The following ZNF761 variants were observed in gnomAD, a reference collection of about 807,000 sequenced individuals.
The protein encoded by ZNF761 is zinc finger protein 761.
A neutral mutation model predicts 59.9 loss-of-function variants in ZNF761; 43 were observed. The observed-to-expected ratio is 0.72, with a 90% CI of 0.56 to 0.92. The LOEUF is 0.92. Ranked by LOEUF, ZNF761 falls within the 40% of genes least tolerant of loss-of-function variation. The probability of loss-of-function intolerance (pLI) is 0.00; values close to 1 mark genes in which losing one functional copy is unlikely to be tolerated. For missense variants in ZNF761, 850 were observed against 906.1 expected (o/e 0.94, Z 0.79); for synonymous variants, 294 against 304.8 (o/e 0.96, Z 0.37).
intron 2 of ZNF761, among the ~76,000 whole-genome samples, chr19:53,446,629 T>G (rs1167312357): frequency 6.6e-6 from 1 of 152,112 alleles, no homozygotes; most frequent in East Asian, 1.9e-4. Context: ...CTCCTCAGCC[T>G]TCCAGAGTGC....
intron 4 of ZNF761, chr19:53,449,973 C>A (rs2708748): frequency 0.019 from 9,336 of 486,156 alleles, 586 homozygotes; most frequent in African/African-American, 0.15. Context: ...CAGGTGCCAA[C>A]CACCATACCT....
chr19:53,454,877 G>C lies in ZNF761; in HGVS notation c.370G>C (p.Glu124Gln). Residue 124 changes from glutamate (E) to glutamine (Q), a missense_variant, in exon 5 of 5, where the codon GAA becomes CAA. By Grantham distance (29) the Glu-to-Gln change is conservative. Coordinates refer to ENST00000684525, the MANE Select transcript of ZNF761 (RefSeq NM_001289951.2). ...AATCAAAAAGTTGACAGGTATTACA[G>C]AACGATATGATCAAAGTCATGCTAG... Reference protein sequence around the residue: ...TKIKKLTGITERYDQSHARNK... With the variant: ...TKIKKLTGITQRYDQSHARNK... 1.9e-6 allele frequency: 3 copies of C among 1,614,180 alleles called. No individual in the cohort carries two copies. The highest frequency in any genetic ancestry group is 2.5e-6 in the Non-Finnish European group (3 of 1,180,020).
At chr19:53,451,737 C>A (rs1051606241) in intron 4 of ZNF761, among the ~76,000 whole-genome samples, 1 of 151,310 alleles carries the variant, frequency 6.6e-6, no homozygotes, top group South Asian at 2.1e-4. Context: ...CACATGCCAC[C>A]ACACCCGGCT....
chr19:53,441,502 A>G (rs188317766), intron 1 of ZNF761, among the ~76,000 whole-genome samples: 1 of 149,088 alleles, frequency 6.7e-6, no homozygotes, highest in Non-Finnish European at 1.5e-5. Context: ...GCTGGAGTGT[A>G]GTGGCATGAT....
rs2086104911 is a variant in ZNF761, at chr19:53,441,891, T to C, written c.-184-4336T>C. ...GCTGGGATCACCACCATCGAGGCAG[T>C]GAAGCGCAAGATCCAGGTTCTGCAG... On this transcript the variant is annotated intron_variant, in intron 1 of 4. Coordinates refer to ENST00000684525, the MANE Select transcript of ZNF761 (RefSeq NM_001289951.2). The C allele has an allele frequency of 2.5e-6, 4 of 1,575,586 alleles. No homozygotes were observed. In the South Asian group the frequency reaches 4.5e-5, roughly 18 times the overall value.
In ZNF761 at chr19:53,455,206, T is replaced by A. The variant is rs756417031; in HGVS notation, c.699T>A (p.His233Gln). 9.9e-6 allele frequency: 16 copies of A among 1,614,148 alleles called. No individual in the cohort carries two copies. In the South Asian group the frequency reaches 1.1e-4, roughly 11 times the overall value. Residue 233 changes from histidine (H) to glutamine (Q), a missense_variant, in exon 5 of 5, where the codon CAT becomes CAA. Coordinates refer to ENST00000684525, the MANE Select transcript of ZNF761 (RefSeq NM_001289951.2). Reference sequence around the variant, plus strand: ...ATTACAGCTCACTCTTAAGGAAACATCAGATAATCCATTTAGCAGACAAAT... The same window carrying A: ...ATTACAGCTCACTCTTAAGGAAACAACAGATAATCCATTTAGCAGACAAAT... Reference protein sequence around the residue: ...AFNYSSLLRKHQIIHLADKYK... With the variant: ...AFNYSSLLRKQQIIHLADKYK...
At chr19:53,450,026 C>T (rs75620463) in intron 4 of ZNF761, 30,415 of 442,370 alleles carry the variant, frequency 0.069, 1,351 homozygotes, top group East Asian at 0.15. Flanking sequence ...TATGTGTGGC[C>T]GGGCTTGGTG....
chr19:53,442,018 G>C (rs1300313149), intron 1 of ZNF761: 5 of 1,040,916 alleles, frequency 4.8e-6, no homozygotes, highest in East Asian at 4.8e-5. Flanking sequence ...TGGCCTCCGT[G>C]AACGGTAGGA....
At chr19:53,432,179 C>A (rs1021544137) in intron 1 of ZNF761, among the ~76,000 whole-genome samples, 151 bp downstream of exon 1, 1 of 152,228 alleles carries the variant, frequency 6.6e-6, no homozygotes, top group Non-Finnish European at 1.5e-5. Context: ...GGCCGTGGGT[C>A]GGTTCCTTTT....
At chr19:53,449,480 A>T (rs2086196079) in intron 3 of ZNF761, 32 bp from the exon 4 acceptor site, 1 of 1,613,990 alleles carries the variant, frequency 6.2e-7, no homozygotes, top group African/African-American at 1.3e-5. Flanking sequence ...CTCCTCTCAT[A>T]ACCATTTGGT....
chr19:53,455,467 T>G lies in ZNF761; in HGVS notation c.960T>G (p.His320Gln), dbSNP rs1156781863. The G allele has an allele frequency of 1.2e-6, 2 of 1,612,964 alleles. No homozygotes were observed. Among genetic ancestry groups the G allele is most frequent in the Non-Finnish European group, 1.7e-6 (2 of 1,179,806 alleles). Residue 320 changes from histidine (H) to glutamine (Q), a missense_variant, in exon 5 of 5, where the codon CAT becomes CAG. His to Gln is a conservative substitution (Grantham distance 24, BLOSUM62 0). Transcript: ENST00000684525. ...TACTTGAAAGACATAGGATAATTCA[T>G]ACTGAAGAGAAACCATATAAGTGTA... is the stretch of plus-strand genomic sequence containing the variant. ...KSILERHRII[H>Q]TEEKPYKCNE...
In ZNF761 at chr19:53,457,296, C is replaced by T. The variant is rs1166870756; in HGVS notation, c.*548C>T. 13 of 405,146 alleles carry T rather than the reference C, an allele frequency of 3.2e-5. No homozygotes were observed. Among genetic ancestry groups the T allele is most frequent in the South Asian group, 1.4e-4 (7 of 50,752 alleles). The allele number at this position is 405,146 out of a possible 1,614,324, so 25.1% of individuals were successfully genotyped here. On this transcript the variant is annotated 3_prime_UTR_variant, in exon 5 of 5. Coordinates refer to ENST00000684525, the MANE Select transcript of ZNF761 (RefSeq NM_001289951.2). ...ACATTGTTCATACCTTGCAGTTCAT[C>T]GGTGAACTCAACGCTGGAGAGAAAC...
At chr19:53,452,026 G>A (rs567914780) in intron 4 of ZNF761, among the ~76,000 whole-genome samples, 3 of 152,272 alleles carry the variant, frequency 2.0e-5, no homozygotes, top group South Asian at 4.1e-4. Flanking sequence ...TCCTGTTCCT[G>A]TCTCAGTCAT....
chr19:53,448,005 A>T (rs1164897766), intron 3 of ZNF761, among the ~76,000 whole-genome samples: 1 of 152,080 alleles, frequency 6.6e-6, no homozygotes, highest in East Asian at 1.9e-4. Flanking sequence ...TGTTATGATA[A>T]TATTATATTT....
Position 53,456,999 on chromosome 19 carries a change from G to A in ZNF761, c.*251G>A, listed in dbSNP as rs2086278691. 11 of 693,936 alleles carry A rather than the reference G, an allele frequency of 1.6e-5. No individual in the cohort carries two copies. The highest frequency in any genetic ancestry group is 7.2e-5 in the Admixed American group (3 of 41,500). 43.0% of individuals were successfully genotyped at this position (693,936 alleles called of 1,614,324 possible). The stretch of plus-strand genomic sequence containing the variant: ...GGAGAGAAACCATAAAAATGTAAGA[G>A]TTTGTGACAAGGCTTTTGGGCATGA... On this transcript the variant is annotated 3_prime_UTR_variant, in exon 5 of 5. Transcript: ENST00000684525.
At chr19:53,447,328 G>A in intron 3 of ZNF761, 45 bp downstream of exon 3, 1 of 1,608,558 alleles carries the variant, frequency 6.2e-7, no homozygotes, top group Non-Finnish European at 8.5e-7. Flanking sequence ...CTTCCTTTCA[G>A]AAATGCTGGG....
chr19:53,453,339 C>T (rs141991651), intron 4 of ZNF761, among the ~76,000 whole-genome samples: 1,680 of 152,268 alleles, frequency 0.011, 18 homozygotes, highest in South Asian at 0.037. Flanking sequence ...TCTTTGACCT[C>T]ATAAATCAGA....
At position 53,456,922 on chromosome 19, in the gene ZNF761, C is replaced by T. The variant is rs563933526; in HGVS notation, c.*174C>T. 1.3e-5 allele frequency: 11 copies of T among 831,626 alleles called. No homozygotes were observed. In the South Asian group the frequency reaches 1.5e-4, roughly 11 times the overall value. 51.5% of individuals were successfully genotyped at this position (831,626 alleles called of 1,614,324 possible). Reference sequence around the variant, plus strand: ...GAAAGCTTATAAATGTGAAGAATGTCACAAAGTTTACAGTCGCACATCAAA... The same window carrying T: ...GAAAGCTTATAAATGTGAAGAATGTTACAAAGTTTACAGTCGCACATCAAA... On this transcript the variant is annotated 3_prime_UTR_variant, in exon 5 of 5. Transcript: ENST00000684525.
chr19:53,438,597 G>A (rs545220903), intron 1 of ZNF761, among the ~76,000 whole-genome samples: 10 of 152,164 alleles, frequency 6.6e-5, no homozygotes, highest in Admixed American at 1.3e-4. Context: ...CTTTTGTGGC[G>A]TCATATAACA....
Sources: allele counts gnomAD v4.1 joint callset (sites outside exome capture counted in the v4.1 genomes callset), GRCh38; gene constraint gnomAD v4.1.1; transcripts MANE v1.5; gene names NCBI Gene and HGNC (gene_info 2026-07-23, HGNC 2026-07-21).